Variants in MAP4K5 observed in about 807,000 individuals in gnomAD.
The protein encoded by MAP4K5 is MAPK/ERK kinase kinase kinase 5.
MAP4K5 carries 82 observed loss-of-function variants against 135.6 expected under a neutral mutation model. The ratio of observed to expected loss-of-function variants is 0.60; its 90% CI spans 0.51 to 0.73. MAP4K5 has a LOEUF of 0.73. Among genes scored for constraint, MAP4K5 ranks in the 30% least tolerant of loss-of-function variants. The probability of loss-of-function intolerance (pLI) is 0.00; values close to 1 mark genes in which losing one functional copy is unlikely to be tolerated. For synonymous variants in MAP4K5, 347 were observed against 335.0 expected, an observed-to-expected ratio of 1.04 and a Z score of -0.39; for missense variants, 907 against 1,010.9, an observed-to-expected ratio of 0.90 and a Z score of 1.39.
chr14:50,485,503 T>C, intron 5 of MAP4K5, 75 bp downstream of exon 5: 2 of 905,932 alleles, frequency 2.2e-6, no homozygotes, highest in South Asian at 1.6e-5. Context: ...TTAATTTCCG[T>C]GGTTAACTGG....
rs2035686803 is a variant in MAP4K5, at chr14:50,419,951, A to C, written c.*68T>G. ...GCAAATCATAGTGCAGTTTGTATTGAATTTCCTTATTTTTCCTTTCAATGG... is the reference window on the plus strand; with the variant it reads ...GCAAATCATAGTGCAGTTTGTATTGCATTTCCTTATTTTTCCTTTCAATGG... On this transcript the variant is annotated 3_prime_UTR_variant, in exon 33 of 33. Transcript: ENST00000682126. The C allele has an allele frequency of 9.2e-7, 1 of 1,087,864 alleles. No homozygotes were observed. Among genetic ancestry groups the C allele is most frequent in the Admixed American group, 2.0e-5 (1 of 50,304 alleles). 67.4% of individuals were successfully genotyped at this position (1,087,864 alleles called of 1,614,324 possible).
Position 50,504,807 on chromosome 14 carries a change from C to T in MAP4K5, c.159G>A (p.Leu53=). ...GELAAVKIIK[L]EPGDDFSLIQ... ...GAGGGTTTTAACACATACCAGGCTC[C>T]AATTTAATGATTTTTACTGCAGCCA... Residue 53 remains leucine (L), a synonymous_variant, in exon 3 of 33, where the codon TTG becomes TTA. Transcript: ENST00000682126. The T allele has an allele frequency of 6.4e-7, 1 of 1,555,968 alleles. No homozygotes were observed. Among genetic ancestry groups the T allele is most frequent in the South Asian group, 1.2e-5 (1 of 83,620 alleles).
intron 18 of MAP4K5, 34 bp downstream of exon 18, chr14:50,445,007 T>A (rs749724248): frequency 1.3e-6 from 2 of 1,593,638 alleles, no homozygotes; most frequent in East Asian, 2.2e-5. Context: ...TCTAGCCATA[T>A]GTACCCCATG....
In MAP4K5 at chr14:50,418,949, C is replaced by T. The variant is rs2035662838; in HGVS notation, c.*1070G>A. The T allele has an allele frequency of 6.6e-6, 1 of 152,010 alleles. No homozygotes were observed. Among genetic ancestry groups the T allele is most frequent in the Non-Finnish European group, 1.5e-5 (1 of 67,966 alleles). 9.4% of individuals were successfully genotyped at this position (152,010 alleles called of 1,614,324 possible). On this transcript the variant is annotated 3_prime_UTR_variant, in exon 33 of 33. Coordinates refer to ENST00000682126, the MANE Select transcript of MAP4K5 (RefSeq NM_006575.6). ...CTTTTAAATACTTATTGATACTATC[C>T]CATCAGGAATTCAATTCATTTAAAT...
At chr14:50,536,372 G>A (rs537780532), upstream of MAP4K5, among the ~76,000 whole-genome samples, 40 of 151,292 alleles carry the variant, frequency 2.6e-4, no homozygotes, top group Non-Finnish European at 4.9e-4. Context: ...GGAAGTAGAG[G>A]TTGTGGTGAG....
rs765336916 is a variant in MAP4K5, at chr14:50,447,474, G to A, written c.1082C>T (p.Ser361Leu). 4 of 1,533,862 alleles carry A rather than the reference G, an allele frequency of 2.6e-6. No homozygotes were observed. The East Asian group carries it at 9.8e-5, about 37-fold the overall frequency. The part of the protein sequence containing the change: ...ETEARDEMGL[S>L]SDPNFMLQWN... ...CTGTAACATGAAATTTGGGTCTGATGACAATCCCTGTAAAGATAAAAATAT... is the reference window on the plus strand; with the variant it reads ...CTGTAACATGAAATTTGGGTCTGATAACAATCCCTGTAAAGATAAAAATAT... The change falls in exon 16 of 33, where the codon TCA (serine) becomes TTA (leucine). Residue 361 changes from serine (S) to leucine (L), a missense_variant. By Grantham distance (145) the Ser-to-Leu change is moderately radical. Transcript: ENST00000682126.
rs1466854289 is a variant in MAP4K5 at position 50,462,785 on chromosome 14, A to G, written c.820-4T>C. 1 of 1,551,274 alleles carries G rather than the reference A, an allele frequency of 6.4e-7. No individual in the cohort carries two copies. Among genetic ancestry groups the G allele is most frequent in the South Asian group, 1.1e-5 (1 of 89,286 alleles). ...CTGGCTGTGCAACAAAAGTGTGCTAAAAGACAACAAAATGAAATTTCATGA... is the reference window on the plus strand; with the variant it reads ...CTGGCTGTGCAACAAAAGTGTGCTAGAAGACAACAAAATGAAATTTCATGA... On this transcript the variant is annotated splice_polypyrimidine_tract_variant and splice_region_variant and intron_variant, in intron 12 of 32. Transcript: ENST00000682126.
At chr14:50,427,203 T>C (rs2035866246) in intron 30 of MAP4K5, among the ~76,000 whole-genome samples, 1 of 152,158 alleles carries the variant, frequency 6.6e-6, no homozygotes, top group Non-Finnish European at 1.5e-5. Context: ...ACGAAGATAA[T>C]TTGGCACATC....
chr14:50,538,809 T>TC (rs1382311734), intron 2 of MAP4K5, among the ~76,000 whole-genome samples: 1 of 152,210 alleles, frequency 6.6e-6, no homozygotes, highest in African/African-American at 2.4e-5. Context: ...TGTCATCTAA[T>TC]CATTTATTTA....
chr14:50,522,960 A>G (rs769692467), intron 2 of MAP4K5, among the ~76,000 whole-genome samples: 1 of 152,334 alleles, frequency 6.6e-6, no homozygotes, highest in Middle Eastern at 3.4e-3. Flanking sequence ...TTACAAATTC[A>G]TGCTTAAAAA....
chr14:50,531,924 AC>A lies in MAP4K5; in HGVS notation c.108+17del. ...ACCCAGTCGACCGCAGGAAAAAAGC[AC>A]GGCCAGCCTCACTTACCTTATAGAC... On this transcript the variant is annotated intron_variant, in intron 2 of 32. Transcript: ENST00000682126. The A allele has an allele frequency of 6.5e-7, 1 of 1,549,908 alleles. No homozygotes were observed. Among genetic ancestry groups the A allele is most frequent in the Non-Finnish European group, 8.8e-7 (1 of 1,135,866 alleles).
intron 9 of MAP4K5, among the ~76,000 whole-genome samples, 169 bp from the exon 10 acceptor site, chr14:50,468,951 C>T (rs2036895219): frequency 6.6e-6 from 1 of 152,172 alleles, no homozygotes; most frequent in African/African-American, 2.4e-5. Flanking sequence ...CACACACATA[C>T]ACACTTTTAA....
chr14:50,478,009 G>A (rs926525159), intron 6 of MAP4K5, among the ~76,000 whole-genome samples: 7 of 152,048 alleles, frequency 4.6e-5, no homozygotes, highest in Non-Finnish European at 1.5e-5. Context: ...CAATTTTCTA[G>A]ATAGGTATAT....
chr14:50,539,744 GCTAAATACTTA>G (rs1265056575), intron 2 of MAP4K5, among the ~76,000 whole-genome samples: 2 of 152,256 alleles, frequency 1.3e-5, no homozygotes, highest in Non-Finnish European at 2.9e-5. Flanking sequence ...GTAGGATCTT[GCTAAATACTTA>G]CCTGGGATTC....
chr14:50,560,241 C>T, intron 1 of MAP4K5: 1 of 1,613,492 alleles, frequency 6.2e-7, no homozygotes, highest in Non-Finnish European at 8.5e-7. Flanking sequence ...GACAGCGCCT[C>T]ACCGCCACCA....
intron 14 of MAP4K5, 147 bp downstream of exon 14, chr14:50,456,369 C>G (rs1301724241): frequency 1.6e-6 from 1 of 628,886 alleles, no homozygotes; most frequent in African/African-American, 1.9e-5. Context: ...TCCATCGAAA[C>G]CAGAAAAGCA....
At chr14:50,504,401 T>A (rs2037767115) in intron 3 of MAP4K5, among the ~76,000 whole-genome samples, 1 of 152,120 alleles carries the variant, frequency 6.6e-6, no homozygotes, top group African/African-American at 2.4e-5. Context: ...AGCATTAAGC[T>A]AAGACCAGAA....
chr14:50,516,537 T>C (rs1044143379), intron 2 of MAP4K5, among the ~76,000 whole-genome samples: 7 of 152,120 alleles, frequency 4.6e-5, no homozygotes, highest in Non-Finnish European at 8.8e-5. Flanking sequence ...CCTAAAAAAT[T>C]AGCCACACTT....
rs1459035528 is a variant in MAP4K5, at chr14:50,437,628, CT to C, written c.1824-95del. 5.8e-6 allele frequency: 5 copies of C among 854,886 alleles called. No individual in the cohort carries two copies. In the East Asian group the frequency reaches 1.1e-4, roughly 18 times the overall value. 53.0% of individuals were successfully genotyped at this position (854,886 alleles called of 1,614,324 possible). On this transcript the variant is annotated intron_variant, in intron 25 of 32. Coordinates refer to ENST00000682126, the MANE Select transcript of MAP4K5 (RefSeq NM_006575.6). ...TGCATCAGAATCAGACAGAAAGGAG[CT>C]TAAAAAACTGTCTTGGATCCTAACT...
Sources: allele counts gnomAD v4.1 joint callset (sites outside exome capture counted in the v4.1 genomes callset), GRCh38; gene constraint gnomAD v4.1.1; transcripts MANE v1.5; gene names NCBI Gene and HGNC (gene_info 2026-07-23, HGNC 2026-07-21).